The following ANKIB1 variants were observed in gnomAD, a reference collection of about 807,000 sequenced individuals.
The protein encoded by ANKIB1 is ankyrin repeat and IBR domain containing 1, also known as ankyrin repeat and IBR domain-containing protein 1.
Under a neutral mutation model 122.1 loss-of-function variants are expected in ANKIB1, and 43 were observed. That is an observed-to-expected ratio of 0.35 (90% confidence interval 0.28 to 0.45). The LOEUF (loss-of-function observed/expected upper bound fraction) is 0.45, where lower values mean the gene tolerates loss of function less well. Ranked by LOEUF, ANKIB1 falls within the 20% of genes least tolerant of loss-of-function variation. The pLI is 1.00. For synonymous variants in ANKIB1, 390 were observed against 442.0 expected (o/e 0.88, Z 1.48); for missense variants, 992 against 1,329.5 (o/e 0.75, Z 3.95).
chr7:92,247,091 TA>T, intron 1 of ANKIB1, among the ~76,000 whole-genome samples: 1 of 152,210 alleles, frequency 6.6e-6, no homozygotes, highest in South Asian at 2.1e-4. Flanking sequence ...AAATTGAAAC[TA>T]GAGCTGTAAT....
chr7:92,355,283 T>C (rs930534642), intron 9 of ANKIB1, among the ~76,000 whole-genome samples: 5 of 152,116 alleles, frequency 3.3e-5, no homozygotes, highest in African/African-American at 1.2e-4. Context: ...TTAAGTAAAA[T>C]ATGCTACTGT....
rs145959355 is a variant in ANKIB1, at chr7:92,400,381, G to A, written c.*1432G>A. On this transcript the variant is annotated 3_prime_UTR_variant, in exon 20 of 20. Transcript: ENST00000265742. Reference sequence around the variant, plus strand: ...ACTAGAGTAAACTGTTGGAATGGCTGTTTTACTTAAATATTATCAAAACTA... The same window carrying A: ...ACTAGAGTAAACTGTTGGAATGGCTATTTTACTTAAATATTATCAAAACTA... 7.1e-4 allele frequency: 108 copies of A among 152,244 alleles called. No homozygotes were observed. Among genetic ancestry groups the A allele is most frequent in the African/African-American group, 2.5e-3 (102 of 41,534 alleles). 9.4% of individuals were successfully genotyped at this position (152,244 alleles called of 1,614,324 possible).
At chr7:92,371,739 A>G in intron 11 of ANKIB1, 132 bp downstream of exon 11, 3 of 1,024,584 alleles carry the variant, frequency 2.9e-6, no homozygotes, top group Non-Finnish European at 4.1e-6. Context: ...GCACTTCAGG[A>G]GGTTGAGGCA....
chr7:92,338,099 G>C (rs1029487330), intron 5 of ANKIB1, among the ~76,000 whole-genome samples: 1 of 152,046 alleles, frequency 6.6e-6, no homozygotes, highest in Non-Finnish European at 1.5e-5. Context: ...CAAAGAAAAG[G>C]GCTTGGCCCT....
chr7:92,289,410 T>C (rs1000728015), intron 1 of ANKIB1, among the ~76,000 whole-genome samples: 4 of 152,250 alleles, frequency 2.6e-5, no homozygotes, highest in African/African-American at 9.6e-5. Context: ...AAAGTAGATA[T>C]TAATACTGCT....
Position 92,257,192 on chromosome 7 carries a change from G to GA in ANKIB1, c.-91+10684dup, listed in dbSNP as rs1304526125. 3.7e-3 allele frequency among the ~76,000 whole-genome samples: 371 copies of GA among 99,080 alleles called. 1 individual carries two copies. The highest frequency in any genetic ancestry group is 0.012 in the African/African-American group (319 of 26,946). 65.0% of individuals were successfully genotyped at this position (99,080 alleles called of 152,430 possible). A position where few individuals can be genotyped will look rare whatever the true frequency, so the allele number is the denominator to read the frequency against. On this transcript the variant is annotated intron_variant, in intron 1 of 19. Transcript: ENST00000265742. Reference sequence around the variant, plus strand: ...TGGGAGCAAGACTCTGTCTCGAAAAGAAAAAAAAAAAGAGAGAAAAAAAGA... The same window carrying GA: ...TGGGAGCAAGACTCTGTCTCGAAAAGAAAAAAAAAAAAGAGAGAAAAAAAGA...
rs746991922 is a variant in ANKIB1 at position 92,246,500 on chromosome 7, C to A, written c.-110C>A. 1.2e-5 allele frequency: 6 copies of A among 518,408 alleles called. No individual in the cohort carries two copies. The East Asian group carries it at 3.3e-4, about 28-fold the overall frequency. 32.1% of individuals were successfully genotyped at this position (518,408 alleles called of 1,614,324 possible). On this transcript the variant is annotated 5_prime_UTR_variant, in exon 1 of 20. Coordinates refer to ENST00000265742, the MANE Select transcript of ANKIB1 (RefSeq NM_019004.2). ...AGTTGCTGGGTCCACCGACCCTTAC[C>A]CTCAGCGAGAGAAGTAACCGTAAGT...
At chr7:92,264,292 G>A (rs1460663832) in intron 1 of ANKIB1, among the ~76,000 whole-genome samples, 1 of 151,652 alleles carries the variant, frequency 6.6e-6, no homozygotes, top group East Asian at 1.9e-4. Flanking sequence ...GGGGAAAGAG[G>A]CAATGGCATT....
At chr7:92,385,218 A>C (rs1392495519) in intron 11 of ANKIB1, among the ~76,000 whole-genome samples, 1 of 152,236 alleles carries the variant, frequency 6.6e-6, no homozygotes, top group Non-Finnish European at 1.5e-5. Flanking sequence ...ATCATTAAAA[A>C]GTCAGGAAAC....
At chr7:92,280,408 G>T (rs892533412) in intron 1 of ANKIB1, among the ~76,000 whole-genome samples, 5 of 148,516 alleles carry the variant, frequency 3.4e-5, no homozygotes, top group Non-Finnish European at 7.4e-5. Flanking sequence ...GGGTGATGGG[G>T]TTGGTGTAGC....
At chr7:92,355,885 A>G (rs28755784) in intron 9 of ANKIB1, among the ~76,000 whole-genome samples, 6 of 145,040 alleles carry the variant, frequency 4.1e-5, no homozygotes, top group Non-Finnish European at 6.0e-5. Flanking sequence ...AATAATAATA[A>G]TAGTAATAGT....
At chr7:92,313,817 C>T (rs1562779290) in intron 3 of ANKIB1, among the ~76,000 whole-genome samples, 3 of 152,054 alleles carry the variant, frequency 2.0e-5, no homozygotes, top group Non-Finnish European at 4.4e-5. Flanking sequence ...AGCAAGTTCT[C>T]CTGGTGATTA....
chr7:92,277,477 A>G (rs908466428), intron 1 of ANKIB1, among the ~76,000 whole-genome samples: 3 of 152,214 alleles, frequency 2.0e-5, no homozygotes, highest in South Asian at 2.1e-4. Context: ...GGCAGTCCCC[A>G]GTATGAACTC....
intron 1 of ANKIB1, among the ~76,000 whole-genome samples, chr7:92,267,475 G>A (rs982757683): frequency 6.6e-6 from 1 of 152,138 alleles, no homozygotes; most frequent in African/African-American, 2.4e-5. Context: ...GAATCATGTA[G>A]TATATGCTAG....
intron 11 of ANKIB1, among the ~76,000 whole-genome samples, chr7:92,381,420 A>G (rs1364031103): frequency 6.6e-6 from 1 of 152,154 alleles, no homozygotes; most frequent in Non-Finnish European, 1.5e-5. Flanking sequence ...AAGAAGAGCA[A>G]CCCCAAGGCA....
chr7:92,297,813 A>G (rs1315783231), intron 2 of ANKIB1, among the ~76,000 whole-genome samples: 1 of 151,986 alleles, frequency 6.6e-6, no homozygotes, highest in Non-Finnish European at 1.5e-5. Flanking sequence ...AACTCTCTTT[A>G]CTTCTGGCTT....
At chr7:92,395,628 T>A (rs985337832) in intron 17 of ANKIB1, among the ~76,000 whole-genome samples, 7 of 140,308 alleles carry the variant, frequency 5.0e-5, no homozygotes, top group Non-Finnish European at 9.1e-5. Flanking sequence ...AACCTCCACC[T>A]CCTGGGTTCA....
intron 1 of ANKIB1, among the ~76,000 whole-genome samples, chr7:92,258,207 C>G (rs1258801782): frequency 6.6e-6 from 1 of 152,010 alleles, no homozygotes; most frequent in East Asian, 1.9e-4. Flanking sequence ...TTTTAACTAC[C>G]CAAAAACTCT....
chr7:92,285,338 GTTCT>G (rs1405248643), intron 1 of ANKIB1, among the ~76,000 whole-genome samples: 1 of 152,158 alleles, frequency 6.6e-6, no homozygotes. Context: ...TTTAAACGTA[GTTCT>G]TTCTAGTCCT....
Sources: allele counts gnomAD v4.1 joint callset (sites outside exome capture counted in the v4.1 genomes callset), GRCh38; gene constraint gnomAD v4.1.1; transcripts MANE v1.5; gene names NCBI Gene and HGNC (gene_info 2026-07-23, HGNC 2026-07-21).